Variants in NSG2 observed in about 807,000 individuals in gnomAD.
NSG2 encodes the protein neuronal vesicle trafficking-associated protein 2.
Under a neutral mutation model 16.9 loss-of-function variants are expected in NSG2, and 4 were observed. That is an observed-to-expected ratio of 0.24 (90% CI 0.12 to 0.54). NSG2 has a LOEUF of 0.54. Among genes scored for constraint, NSG2 ranks in the 20% least tolerant of loss-of-function variants. The pLI is 0.95. For synonymous variants in NSG2, 98 were observed against 88.7 expected, an observed-to-expected ratio of 1.11 and a Z score of -0.59; for missense variants, 179 against 221.1, an observed-to-expected ratio of 0.81 and a Z score of 1.21.
chr5:174,052,619 G>T (rs1380346551), intron 2 of NSG2, among the ~76,000 whole-genome samples: 1 of 152,214 alleles, frequency 6.6e-6, no homozygotes, highest in African/African-American at 2.4e-5. Context: ...CAAATTTCAG[G>T]ACATGCCTTT....
chr5:174,045,875 T>TC (rs533488810), intron 1 of NSG2, 32 bp downstream of exon 1: 1 of 152,270 alleles, frequency 6.6e-6, no homozygotes, highest in Non-Finnish European at 1.5e-5. Flanking sequence ...CTATAACCAC[T>TC]CCCCAATATC....
chr5:174,050,572 T>C (rs1759871755), intron 2 of NSG2, among the ~76,000 whole-genome samples: 1 of 152,114 alleles, frequency 6.6e-6, no homozygotes, highest in Non-Finnish European at 1.5e-5. Context: ...GGAACCTCAG[T>C]GTACTTGATG....
At chr5:174,103,357 C>T (rs1407025263) in intron 3 of NSG2, among the ~76,000 whole-genome samples, 1 of 152,104 alleles carries the variant, frequency 6.6e-6, no homozygotes, top group Non-Finnish European at 1.5e-5. Context: ...GATATTTGGC[C>T]TGAGTGACTG....
At chr5:174,075,144 C>T (rs1397750379) in intron 3 of NSG2, among the ~76,000 whole-genome samples, 3 of 152,064 alleles carry the variant, frequency 2.0e-5, no homozygotes, top group African/African-American at 7.2e-5. Flanking sequence ...TATTATGTGC[C>T]AGATAGCCTG....
chr5:174,103,438 C>A (rs956203960), intron 3 of NSG2, among the ~76,000 whole-genome samples: 3 of 151,934 alleles, frequency 2.0e-5, no homozygotes, highest in East Asian at 3.9e-4. Context: ...GGGAGGAGAG[C>A]AGGAATCCTG....
intron 3 of NSG2, among the ~76,000 whole-genome samples, chr5:174,086,034 C>T (rs1760611043): frequency 6.6e-6 from 1 of 152,064 alleles, no homozygotes; most frequent in African/African-American, 2.4e-5. Context: ...TAGATGGTGG[C>T]CTGTACATAT....
chr5:174,060,385 TA>T (rs1178002058), intron 2 of NSG2, among the ~76,000 whole-genome samples: 2 of 151,156 alleles, frequency 1.3e-5, no homozygotes, highest in African/African-American at 4.9e-5. Context: ...TTTTTTTTTT[TA>T]AATTTACTAG....
In NSG2 at chr5:174,104,311, C is replaced by T. The variant is rs763462317; in HGVS notation, c.297C>T (p.His99=). The change falls in exon 4 of 5, where the codon CAC becomes CAT. Residue 99 remains histidine, a synonymous_variant. Coordinates refer to ENST00000303177, the MANE Select transcript of NSG2 (RefSeq NM_015980.5). Reference sequence around the variant, plus strand: ...TTTACAAAGCCTTCACCTATGATCACAGCTGCCCAGAGGGATTCGTCTATA... The same window carrying T: ...TTTACAAAGCCTTCACCTATGATCATAGCTGCCCAGAGGGATTCGTCTATA... ...LVVYKAFTYD[H]SCPEGFVYKH... is the part of the protein sequence containing the mutation. 17 of 1,613,832 alleles carry T rather than the reference C, an allele frequency of 1.1e-5. No homozygotes were observed. The highest frequency in any genetic ancestry group is 8.5e-7 in the Non-Finnish European group (1 of 1,179,804).
intron 2 of NSG2, among the ~76,000 whole-genome samples, chr5:174,051,159 A>G (rs1328959697): frequency 6.6e-6 from 1 of 152,162 alleles, no homozygotes; most frequent in East Asian, 1.9e-4. Context: ...CGATGTCACA[A>G]CTAGAGGGAG....
In NSG2 at chr5:174,108,844, A is replaced by C. The variant is rs1054669619; in HGVS notation, c.*1339A>C. Reference sequence around the variant, plus strand: ...GGTACTGCTTCCTCACAAGTCTCCCACAGGCCATGTAAAGGGTATTTTTTT... The same window carrying C: ...GGTACTGCTTCCTCACAAGTCTCCCCCAGGCCATGTAAAGGGTATTTTTTT... On this transcript the variant is annotated 3_prime_UTR_variant, in exon 5 of 5. Transcript: ENST00000303177. The C allele has an allele frequency of 2.6e-5, 4 of 152,820 alleles. No homozygotes were observed. Among genetic ancestry groups the C allele is most frequent in the African/African-American group, 9.6e-5 (4 of 41,458 alleles). The allele number at this position is 152,820 out of a possible 1,614,324, so 9.5% of individuals were successfully genotyped here.
chr5:174,102,824 C>G (rs1039389461), intron 3 of NSG2, among the ~76,000 whole-genome samples: 10 of 151,092 alleles, frequency 6.6e-5, no homozygotes, highest in Admixed American at 2.6e-4. Context: ...TGTCACCCAG[C>G]CTGGAGTGCT....
chr5:174,078,233 G>A (rs188676475), intron 3 of NSG2, among the ~76,000 whole-genome samples: 1 of 151,964 alleles, frequency 6.6e-6, no homozygotes, highest in Admixed American at 6.6e-5. Context: ...CTCATCCAGG[G>A]ACATTTCCTA....
intron 3 of NSG2, among the ~76,000 whole-genome samples, chr5:174,080,916 C>G (rs1462097421): frequency 1.3e-5 from 2 of 152,012 alleles, no homozygotes; most frequent in African/African-American, 4.8e-5. Context: ...TGAAGACTTT[C>G]ATCACTTTCA....
chr5:174,049,208 T>G (rs1292028531), intron 2 of NSG2, among the ~76,000 whole-genome samples: 1 of 151,740 alleles, frequency 6.6e-6, no homozygotes, highest in Non-Finnish European at 1.5e-5. Flanking sequence ...GGCGTGGTGG[T>G]GGGTGCCTGT....
At chr5:174,105,020 A>G (rs1013287274) in intron 4 of NSG2, among the ~76,000 whole-genome samples, 1 of 130,532 alleles carries the variant, frequency 7.7e-6, no homozygotes, top group Non-Finnish European at 1.5e-5. Flanking sequence ...CAGAGTGAAC[A>G]CAGCTGATAA....
chr5:174,080,617 A>G (rs1342892134), intron 3 of NSG2, among the ~76,000 whole-genome samples: 1 of 147,662 alleles, frequency 6.8e-6, no homozygotes, highest in Non-Finnish European at 1.5e-5. Flanking sequence ...GCTGGGGTAC[A>G]GTGGTGTGAT....
intron 2 of NSG2, among the ~76,000 whole-genome samples, chr5:174,051,171 A>G (rs1022541753): frequency 9.9e-5 from 15 of 152,050 alleles, no homozygotes; most frequent in Admixed American, 7.2e-4. Context: ...TAGAGGGAGG[A>G]TTCTACTGGC....
In NSG2 at chr5:174,107,559, C is replaced by T. The variant is rs763465496; in HGVS notation, c.*54C>T. ...GGGTGGAGAGGAGGACCCCCATTGG[C>T]TAAGCCAAGCTCCAGTTACAAGACA... On this transcript the variant is annotated 3_prime_UTR_variant, in exon 5 of 5. Coordinates refer to ENST00000303177, the MANE Select transcript of NSG2 (RefSeq NM_015980.5). This position sits in a 1 kb window ranked among gnomAD's most constrained non-coding sequence, Gnocchi z 4.5. 4.5e-6 allele frequency: 6 copies of T among 1,326,056 alleles called. No individual in the cohort carries two copies. The highest frequency in any genetic ancestry group is 6.1e-6 in the Non-Finnish European group (6 of 987,486). The allele number at this position is 1,326,056 out of a possible 1,614,324, so 82.1% of individuals were successfully genotyped here. A position where few individuals can be genotyped will look rare whatever the true frequency, so the allele number is the denominator to read the frequency against.
At chr5:174,080,366 C>T (rs1462409712) in intron 3 of NSG2, among the ~76,000 whole-genome samples, 1 of 149,766 alleles carries the variant, frequency 6.7e-6, no homozygotes, top group Non-Finnish European at 1.5e-5. Context: ...TTATATATAA[C>T]CATATGTATG....
Sources: allele counts gnomAD v4.1 joint callset (sites outside exome capture counted in the v4.1 genomes callset), GRCh38; gene constraint gnomAD v4.1.1; non-coding constraint Gnocchi (gnomAD v3.1); transcripts MANE v1.5; gene names NCBI Gene and HGNC (gene_info 2026-07-23, HGNC 2026-07-21).